Variants in SLC10A7 observed in about 807,000 individuals in gnomAD.
SLC10A7 encodes the protein sodium/bile acid cotransporter 7.
In SLC10A7, 29 loss-of-function variants were observed where a neutral mutation model predicts 43.2. The observed-to-expected ratio is 0.67, with a 90% confidence interval of 0.50 to 0.92. The LOEUF is 0.92. SLC10A7 is among the 40% of genes least tolerant of loss of function. SLC10A7 has a pLI of 0.00. For synonymous variants in SLC10A7, 152 were observed against 144.8 expected (o/e 1.05, Z -0.35); for missense variants, 295 against 403.2 (o/e 0.73, Z 2.30).
At chr4:146,288,458 C>G (rs1730183925) in intron 9 of SLC10A7, among the ~76,000 whole-genome samples, 4 of 152,224 alleles carry the variant, frequency 2.6e-5, no homozygotes, top group Admixed American at 1.3e-4. Flanking sequence ...AGCAACTCCC[C>G]TAAAGTCACA....
At chr4:146,498,014 A>G (rs1479994846) in intron 4 of SLC10A7, among the ~76,000 whole-genome samples, 1 of 152,186 alleles carries the variant, frequency 6.6e-6, no homozygotes, top group African/African-American at 2.4e-5. Context: ...ACAAAGAATA[A>G]GTGTTTATCT....
At chr4:146,468,690 G>T (rs1733277280) in intron 4 of SLC10A7, among the ~76,000 whole-genome samples, 1 of 152,058 alleles carries the variant, frequency 6.6e-6, no homozygotes. Flanking sequence ...TTGAACTCCT[G>T]ACCTCAGGTG....
chr4:146,321,802 A>G (rs1017891695), intron 6 of SLC10A7, among the ~76,000 whole-genome samples: 2 of 152,158 alleles, frequency 1.3e-5, no homozygotes, highest in Admixed American at 6.6e-5. Flanking sequence ...GTTCTTGCTC[A>G]GTTACTTGCT....
intron 6 of SLC10A7, among the ~76,000 whole-genome samples, chr4:146,314,074 A>G (rs1732162018): frequency 6.6e-6 from 1 of 152,158 alleles, no homozygotes. Context: ...AGGCAGACCC[A>G]GGCTGAAAGC....
intron 5 of SLC10A7, among the ~76,000 whole-genome samples, chr4:146,435,467 T>C (rs957145681): frequency 5.9e-5 from 9 of 152,284 alleles, no homozygotes; most frequent in African/African-American, 1.9e-4. Flanking sequence ...TTTAACATTA[T>C]TTACTCCAAC....
intron 5 of SLC10A7, among the ~76,000 whole-genome samples, chr4:146,440,202 A>AG (rs1406258718): frequency 1.3e-5 from 2 of 152,156 alleles, no homozygotes; most frequent in African/African-American, 4.8e-5. Context: ...TTCTGCAATA[A>AG]GGAGTGCTGG....
Position 146,399,033 on chromosome 4 carries a change from A to T in SLC10A7, c.435+43750T>A, listed in dbSNP as rs574512482. 2.6e-5 allele frequency among the ~76,000 whole-genome samples: 4 copies of T among 152,344 alleles called. No homozygotes were observed. In the South Asian group the frequency reaches 8.3e-4, roughly 32 times the overall value. ...TAGTGGTAACCTAGCTGATAAGAGA[A>T]TAAACAGGGTAATGTGATAGAAAGC... On this transcript the variant is annotated intron_variant, in intron 5 of 11. Coordinates refer to ENST00000335472, the MANE Select transcript of SLC10A7 (RefSeq NM_001029998.6).
At chr4:146,484,359 T>A (rs538384218) in intron 4 of SLC10A7, among the ~76,000 whole-genome samples, 1 of 152,076 alleles carries the variant, frequency 6.6e-6, no homozygotes, top group Admixed American at 6.5e-5. Flanking sequence ...GTCTCTAAAA[T>A]TTTTTTTAAG....
chr4:146,395,192 G>A lies in SLC10A7; in HGVS notation c.435+47591C>T, dbSNP rs567020607. Reference sequence around the variant, plus strand: ...GAGACCAGCCTCAGCAATATAGCAAGACCCCCAACTCTACAAAAAAAGAAA... The same window carrying A: ...GAGACCAGCCTCAGCAATATAGCAAAACCCCCAACTCTACAAAAAAAGAAA... On this transcript the variant is annotated intron_variant, in intron 5 of 11. Coordinates refer to ENST00000335472, the MANE Select transcript of SLC10A7 (RefSeq NM_001029998.6). Among the ~76,000 whole-genome samples, 24 of 151,924 alleles carry A rather than the reference G, an allele frequency of 1.6e-4. No individual in the cohort carries two copies. The South Asian group carries it at 5.0e-3, about 32-fold the overall frequency.
intron 2 of SLC10A7, among the ~76,000 whole-genome samples, chr4:146,512,895 A>T (rs147664894): frequency 6.6e-6 from 1 of 152,324 alleles, no homozygotes; most frequent in East Asian, 1.9e-4. Context: ...ATCATGACAC[A>T]TCCGTACAAC....
chr4:146,452,798 T>C (rs991924151), intron 4 of SLC10A7, among the ~76,000 whole-genome samples: 20 of 152,040 alleles, frequency 1.3e-4, no homozygotes, highest in African/African-American at 4.8e-4. Flanking sequence ...CATTTTTATA[T>C]ATATCATTGT....
intron 4 of SLC10A7, among the ~76,000 whole-genome samples, chr4:146,454,884 A>G (rs1404313274): frequency 6.6e-6 from 1 of 151,930 alleles, no homozygotes; most frequent in Non-Finnish European, 1.5e-5. Context: ...AATACTATTT[A>G]TTTATACTAT....
In SLC10A7 at chr4:146,322,096, T is replaced by C. The variant is rs1029755283; in HGVS notation, c.471+3865A>G. 3.9e-5 allele frequency among the ~76,000 whole-genome samples: 6 copies of C among 152,116 alleles called. No homozygotes were observed. The East Asian group carries it at 5.8e-4, about 15-fold the overall frequency. On this transcript the variant is annotated intron_variant, in intron 6 of 11. Coordinates refer to ENST00000335472, the MANE Select transcript of SLC10A7 (RefSeq NM_001029998.6). ...ATTTTAGAATGTTGAACATTACAAC[T>C]AAAGTTCATGAGCCTATGGGTCTGT...
chr4:146,348,539 T>C (rs1371365396), intron 5 of SLC10A7, among the ~76,000 whole-genome samples: 1 of 152,230 alleles, frequency 6.6e-6, no homozygotes, highest in Non-Finnish European at 1.5e-5. Context: ...ATGATTTGCT[T>C]TAAGTAAAAT....
chr4:146,405,481 A>G (rs1170899083), intron 5 of SLC10A7, among the ~76,000 whole-genome samples: 2 of 152,222 alleles, frequency 1.3e-5, no homozygotes, highest in Non-Finnish European at 2.9e-5. Flanking sequence ...GGTTTGAAAT[A>G]CAGTTAGAAT....
chr4:146,313,511 A>ACAAT (rs1294050598), intron 6 of SLC10A7, among the ~76,000 whole-genome samples: 1 of 152,126 alleles, frequency 6.6e-6, no homozygotes, highest in African/African-American at 2.4e-5. Flanking sequence ...AGCAACTGAG[A>ACAAT]CAATCAGATG....
intron 5 of SLC10A7, among the ~76,000 whole-genome samples, chr4:146,381,050 C>T (rs1249154499): frequency 1.3e-5 from 2 of 152,068 alleles, no homozygotes; most frequent in African/African-American, 2.4e-5. Context: ...AGGGACAGAT[C>T]CAGGTTTTGT....
rs1482463942 is a variant in SLC10A7 at position 146,392,988 on chromosome 4, A to G, written c.435+49795T>C. On this transcript the variant is annotated intron_variant, in intron 5 of 11. Coordinates refer to ENST00000335472, the MANE Select transcript of SLC10A7 (RefSeq NM_001029998.6). ...CAATCCTGCCTCAAGGCCCTTGATCATGGTGTTCTCTCTTAATAAATGTTC... is the reference window on the plus strand; with the variant it reads ...CAATCCTGCCTCAAGGCCCTTGATCGTGGTGTTCTCTCTTAATAAATGTTC... Among the ~76,000 whole-genome samples, 4 of 151,896 alleles carry G rather than the reference A, an allele frequency of 2.6e-5. 1 individual carries two copies. The East Asian group carries it at 5.8e-4, about 22-fold the overall frequency.
chr4:146,297,504 T>A (rs1391175354), intron 7 of SLC10A7, among the ~76,000 whole-genome samples: 1 of 152,160 alleles, frequency 6.6e-6, no homozygotes, highest in Non-Finnish European at 1.5e-5. Flanking sequence ...TTTTAAAGTA[T>A]TTCCTTGCTT....
Sources: allele counts gnomAD v4.1 joint callset (sites outside exome capture counted in the v4.1 genomes callset), GRCh38; gene constraint gnomAD v4.1.1; transcripts MANE v1.5; gene names NCBI Gene and HGNC (gene_info 2026-07-23, HGNC 2026-07-21).